Variants in DPP9 observed in about 807,000 individuals in gnomAD.
DPP9 encodes the protein dipeptidyl peptidase 9, also known as dipeptidyl peptidase IV-related protein-2.
DPP9 carries 50 observed loss-of-function variants against 110.7 expected under a neutral mutation model. The observed-to-expected ratio is 0.45, with a 90% CI of 0.36 to 0.57. The LOEUF is 0.57. DPP9 is among the 20% of genes least tolerant of loss of function. The pLI is 0.00. For synonymous variants in DPP9, 561 were observed against 514.4 expected (o/e 1.09, Z -1.23); for missense variants, 1,022 against 1,217.9 (o/e 0.84, Z 2.39).
Position 4,700,157 on chromosome 19 carries a change from T to C in DPP9, c.1074+59A>G. Reference sequence around the variant, plus strand: ...TGACCTGCCCATCCACCCAGCTGCCTACCCGGCCCTTCCCCGCATCATCTA... The same window carrying C: ...TGACCTGCCCATCCACCCAGCTGCCCACCCGGCCCTTCCCCGCATCATCTA... On this transcript the variant is annotated intron_variant, in intron 10 of 21. Coordinates refer to ENST00000262960, the MANE Select transcript of DPP9 (RefSeq NM_139159.5). This position sits in a 1 kb window ranked among gnomAD's most constrained non-coding sequence, Gnocchi z 4.3. 3.6e-6 allele frequency: 5 copies of C among 1,393,434 alleles called. No individual in the cohort carries two copies. The highest frequency in any genetic ancestry group is 4.8e-6 in the Non-Finnish European group (5 of 1,034,024). 86.3% of individuals were successfully genotyped at this position (1,393,434 alleles called of 1,614,324 possible).
At chr19:4,702,417 C>T (rs1411780974) in intron 8 of DPP9, among the ~76,000 whole-genome samples, 186 bp downstream of exon 8, 3 of 152,164 alleles carry the variant, frequency 2.0e-5, no homozygotes, top group South Asian at 4.1e-4. Flanking sequence ...GTGTAACGGG[C>T]TGAACTGTGT....
intron 21 of DPP9, 54 bp downstream of exon 21, chr19:4,679,781 C>T: frequency 1.4e-6 from 2 of 1,407,794 alleles, no homozygotes. Flanking sequence ...CCACCCCCCA[C>T]TCCCAGGGAT....
rs756459952 is a variant in DPP9 at position 4,722,600 on chromosome 19, G to A, written c.-88-49C>T. On this transcript the variant is annotated intron_variant, in intron 1 of 21. Coordinates refer to ENST00000262960, the MANE Select transcript of DPP9 (RefSeq NM_139159.5). ...AATGTGGCAGGTTAATGGAAGCACC[G>A]GCCAGCCGTTCAGCCTCCCCCACTC... 27 of 701,896 alleles carry A rather than the reference G, an allele frequency of 3.8e-5. 1 individual carries two copies. Among genetic ancestry groups the A allele is most frequent in the African/African-American group, 3.3e-4 (19 of 57,346 alleles). 43.5% of individuals were successfully genotyped at this position (701,896 alleles called of 1,614,324 possible).
At chr19:4,720,042 C>T in intron 2 of DPP9, 101 bp from the exon 3 acceptor site, 1 of 1,019,508 alleles carries the variant, frequency 9.8e-7, no homozygotes, top group South Asian at 1.4e-5. Context: ...TCCAGGCAGC[C>T]CCCCAAGCCT....
At position 4,702,589 on chromosome 19, in the gene DPP9, T is replaced by C. The variant is rs961091623; in HGVS notation, c.883+14A>G. Reference sequence around the variant, plus strand: ...GCACGCCCGGGAGCATGTTGAAAAATGGAAGGGACCTACCTTCCCAGGAGG... The same window carrying C: ...GCACGCCCGGGAGCATGTTGAAAAACGGAAGGGACCTACCTTCCCAGGAGG... On this transcript the variant is annotated intron_variant, in intron 8 of 21. Coordinates refer to ENST00000262960, the MANE Select transcript of DPP9 (RefSeq NM_139159.5). The C allele has an allele frequency of 1.3e-6, 2 of 1,572,698 alleles. No homozygotes were observed. Among genetic ancestry groups the C allele is most frequent in the East Asian group, 2.3e-5 (1 of 42,878 alleles).
intron 4 of DPP9, 34 bp from the exon 5 acceptor site, chr19:4,706,004 C>T (rs1426978922): frequency 1.3e-6 from 2 of 1,588,582 alleles, no homozygotes; most frequent in African/African-American, 2.7e-5. Flanking sequence ...AGAACGGGTA[C>T]CCTGGCTCAG....
At position 4,697,619 on chromosome 19, in the gene DPP9, C is replaced by A. The variant is rs1486577324; in HGVS notation, c.1107G>T (p.Gln369His). The A allele has an allele frequency of 1.2e-6, 2 of 1,613,776 alleles. No individual in the cohort carries two copies. Among genetic ancestry groups the A allele is most frequent in the African/African-American group, 2.7e-5 (2 of 74,938 alleles). ...CCTTCGGGAACAGCGAGCTGAAGGG[C>A]TGCACCAGCTCCTTCTCCTGGGTCG... ...IVSTQEKELV[Q>H]PFSSLFPKVE... is the part of the protein sequence containing the mutation. The change falls in exon 11 of 22, where the codon CAG (glutamine) becomes CAT (histidine). Residue 369 changes from glutamine to histidine, a missense_variant. By Grantham distance (24) the Gln-to-His change is conservative. Around this residue, in one of 3 missense-constraint regions of DPP9, gnomAD observed 810 missense variants for 920.6 expected, o/e 0.88. Transcript: ENST00000262960.
chr19:4,686,611 C>T (rs1241634549), intron 16 of DPP9, among the ~76,000 whole-genome samples: 1 of 152,198 alleles, frequency 6.6e-6, no homozygotes, highest in African/African-American at 2.4e-5. Context: ...TGAGCCACCA[C>T]ACCCAGCCAT....
Position 4,698,057 on chromosome 19 carries a change from C to T in DPP9, c.1075-406G>A, listed in dbSNP as rs1599906633. Among the ~76,000 whole-genome samples the T allele has an allele frequency of 1.3e-5, 2 of 152,166 alleles. No homozygotes were observed. The highest frequency in any genetic ancestry group is 4.8e-5 in the African/African-American group (2 of 41,550). On this transcript the variant is annotated intron_variant, in intron 10 of 21. Transcript: ENST00000262960. This position sits in a 1 kb window ranked among gnomAD's most constrained non-coding sequence, Gnocchi z 4.2. Reference sequence around the variant, plus strand: ...CCCAGTCTGTGGTCCTTTGTCATGGCCCAAACAAATGACTACACCCAACAG... The same window carrying T: ...CCCAGTCTGTGGTCCTTTGTCATGGTCCAAACAAATGACTACACCCAACAG...
At position 4,685,573 on chromosome 19, in the gene DPP9, G is replaced by A; in HGVS notation, c.2031+53C>T. The A allele has an allele frequency of 2.6e-6, 4 of 1,537,508 alleles. No individual in the cohort carries two copies. The highest frequency in any genetic ancestry group is 2.6e-6 in the Non-Finnish European group (3 of 1,133,234). On this transcript the variant is annotated intron_variant, in intron 17 of 21. Coordinates refer to ENST00000262960, the MANE Select transcript of DPP9 (RefSeq NM_139159.5). The surrounding 1 kb of genome is among the most constrained non-coding windows in gnomAD (Gnocchi z 5.8). ...CAGCTGGCACTTGAGTGGGGATGGG[G>A]AGTCCTCGGGTGGATGGTGGGGTGG...
At chr19:4,701,998 C>A in intron 9 of DPP9, 29 bp downstream of exon 9, 3 of 1,606,484 alleles carry the variant, frequency 1.9e-6, no homozygotes, top group Admixed American at 1.7e-5. Context: ...GATCCCCGGC[C>A]CAGCCCCTCA....
Position 4,698,922 on chromosome 19 carries a change from G to A in DPP9, c.1075-1271C>T, listed in dbSNP as rs2092018664. 6.6e-6 allele frequency among the ~76,000 whole-genome samples: 1 copy of A among 152,130 alleles called. No individual in the cohort carries two copies. The highest frequency in any genetic ancestry group is 1.5e-5 in the Non-Finnish European group (1 of 68,010). ...ACCTGTAATCCCAACACTTTGGGAG[G>A]CCGAGGCGGGCGGATCACGAGGTCA... On this transcript the variant is annotated intron_variant, in intron 10 of 21. Transcript: ENST00000262960. The surrounding 1 kb of genome is among the most constrained non-coding windows in gnomAD (Gnocchi z 4.2).
rs1599880646 is a variant in DPP9 at position 4,687,602 on chromosome 19, C to T, written c.1885+1155G>A. On this transcript the variant is annotated intron_variant, in intron 16 of 21. Coordinates refer to ENST00000262960, the MANE Select transcript of DPP9 (RefSeq NM_139159.5). The surrounding 1 kb of genome is among the most constrained non-coding windows in gnomAD (Gnocchi z 4.7). ...TTTCCTGATAAAGGCCTCGGAGTGTCGGCTCTGAGCAGGTGCTGCTGTGGG... is the reference window on the plus strand; with the variant it reads ...TTTCCTGATAAAGGCCTCGGAGTGTTGGCTCTGAGCAGGTGCTGCTGTGGG... Among the ~76,000 whole-genome samples the T allele has an allele frequency of 6.6e-6, 1 of 152,132 alleles. No individual in the cohort carries two copies. Among genetic ancestry groups the T allele is most frequent in the Non-Finnish European group, 1.5e-5 (1 of 68,032 alleles).
Position 4,685,070 on chromosome 19 carries a change from A to G in DPP9, c.2032-261T>C, listed in dbSNP as rs920926619. On this transcript the variant is annotated intron_variant, in intron 17 of 21. Coordinates refer to ENST00000262960, the MANE Select transcript of DPP9 (RefSeq NM_139159.5). This position sits in a 1 kb window ranked among gnomAD's most constrained non-coding sequence, Gnocchi z 5.8. ...CCACTGCCCCAGTCCTGCCTGGAAC[A>G]ACTACTCTGGCATGATGGACATTGG... 3.1e-6 allele frequency: 2 copies of G among 647,514 alleles called. No individual in the cohort carries two copies. The highest frequency in any genetic ancestry group is 5.7e-6 in the Non-Finnish European group (2 of 350,414). The allele number at this position is 647,514 out of a possible 1,614,324, so 40.1% of individuals were successfully genotyped here. A position where few individuals can be genotyped will look rare whatever the true frequency, so the allele number is the denominator to read the frequency against.
intron 4 of DPP9, among the ~76,000 whole-genome samples, chr19:4,708,768 C>T (rs1031837482): frequency 2.0e-5 from 3 of 152,120 alleles, no homozygotes; most frequent in African/African-American, 7.2e-5. Flanking sequence ...GCAGAACAGA[C>T]ACTGGGGCCT....
rs1052888956 is a variant in DPP9 at position 4,689,467 on chromosome 19, C to T, written c.1749+103G>A. 4 of 1,409,084 alleles carry T rather than the reference C, an allele frequency of 2.8e-6. No homozygotes were observed. The highest frequency in any genetic ancestry group is 3.8e-6 in the Non-Finnish European group (4 of 1,057,978). 87.3% of individuals were successfully genotyped at this position (1,409,084 alleles called of 1,614,324 possible). A position where few individuals can be genotyped will look rare whatever the true frequency, so the allele number is the denominator to read the frequency against. ...CCAAGGCAGCTATGAGAATGCGAGA[C>T]CATGAGAATGACCCTGAGTGCTGTG... is the stretch of plus-strand genomic sequence containing the variant. On this transcript the variant is annotated intron_variant, in intron 15 of 21. Coordinates refer to ENST00000262960, the MANE Select transcript of DPP9 (RefSeq NM_139159.5). The surrounding 1 kb of genome is among the most constrained non-coding windows in gnomAD (Gnocchi z 7.0).
At position 4,718,448 on chromosome 19, in the gene DPP9, C is replaced by G. The variant is rs2093173908; in HGVS notation, c.56+1403G>C. Among the ~76,000 whole-genome samples, 1 of 152,176 alleles carries G rather than the reference C, an allele frequency of 6.6e-6. No homozygotes were observed. Among genetic ancestry groups the G allele is most frequent in the South Asian group, 2.1e-4 (1 of 4,824 alleles). On this transcript the variant is annotated intron_variant, in intron 3 of 21. Coordinates refer to ENST00000262960, the MANE Select transcript of DPP9 (RefSeq NM_139159.5). This position sits in a 1 kb window ranked among gnomAD's most constrained non-coding sequence, Gnocchi z 4.3. ...CGTATGGGGGTGGTGAGGACAGGGT[C>G]CTACCCATGCGCTGGATGGGGAAAT...
Position 4,703,976 on chromosome 19 carries a change from G to C in DPP9, c.679C>G (p.Pro227Ala). The C allele has an allele frequency of 6.2e-7, 1 of 1,613,994 alleles. No individual in the cohort carries two copies. Reference sequence around the variant, plus strand: ...TTATTGATGAAGGAGAAGAAGGCAGGGTCGGCAGGGCAGATTTTGGGGTCC... The same window carrying C: ...TTATTGATGAAGGAGAAGAAGGCAGCGTCGGCAGGGCAGATTTTGGGGTCC... ...RMDPKICPAD[P>A]AFFSFINNSD... Residue 227 changes from proline (P) to alanine (A), a missense_variant, in exon 7 of 22, where the codon CCT (proline) becomes GCT (alanine). Physicochemically the swap from Pro to Ala is conservative, Grantham distance 27. Transcript: ENST00000262960.
intron 9 of DPP9, among the ~76,000 whole-genome samples, chr19:4,701,038 C>G (rs918058514): frequency 3.3e-5 from 5 of 152,182 alleles, no homozygotes; most frequent in African/African-American, 1.2e-4. Flanking sequence ...AGCAGGCACT[C>G]GCGGAGTATG....
Sources: allele counts gnomAD v4.1 joint callset (sites outside exome capture counted in the v4.1 genomes callset), GRCh38; gene constraint gnomAD v4.1.1; regional missense constraint gnomAD v4.1.1; non-coding constraint Gnocchi (gnomAD v3.1); transcripts MANE v1.5; gene names NCBI Gene and HGNC (gene_info 2026-07-23, HGNC 2026-07-21).